Variants in KIAA0825 observed in about 807,000 individuals in gnomAD.
KIAA0825 encodes the protein KIAA0825, also known as uncharacterized protein KIAA0825.
Under a neutral mutation model 147.6 loss-of-function variants are expected in KIAA0825, and 119 were observed. The ratio of observed to expected loss-of-function variants is 0.81; its 90% CI spans 0.69 to 0.94. The LOEUF (loss-of-function observed/expected upper bound fraction) is 0.94. Among genes scored for constraint, KIAA0825 ranks in the 40% least tolerant of loss-of-function variants. The probability of loss-of-function intolerance (pLI) is 0.00; values close to 1 mark genes in which losing one functional copy is unlikely to be tolerated. For missense variants in KIAA0825, 1,381 were observed against 1,472.7 expected (o/e 0.94, Z 1.02); for synonymous variants, 470 against 518.1 (o/e 0.91, Z 1.26).
intron 15 of KIAA0825, among the ~76,000 whole-genome samples, chr5:94,405,575 C>G (rs894601284): frequency 3.3e-5 from 5 of 152,118 alleles, no homozygotes; most frequent in Admixed American, 3.3e-4. Flanking sequence ...GCATACTTTC[C>G]TGCTTTAGAA....
intron 14 of KIAA0825, among the ~76,000 whole-genome samples, chr5:94,424,818 AC>A (rs1754638136): frequency 6.6e-6 from 1 of 152,186 alleles, no homozygotes; most frequent in South Asian, 2.1e-4. Context: ...TACAACTGAG[AC>A]CACAGAAAGA....
intron 3 of KIAA0825, among the ~76,000 whole-genome samples, chr5:94,527,166 G>A (rs1037310506): frequency 3.9e-5 from 6 of 152,152 alleles, no homozygotes; most frequent in African/African-American, 1.4e-4. Flanking sequence ...ATGTATGGAT[G>A]TATGTGTGTA....
chr5:94,486,299 A>G (rs1763052009), intron 5 of KIAA0825, among the ~76,000 whole-genome samples: 1 of 152,082 alleles, frequency 6.6e-6, no homozygotes, highest in Non-Finnish European at 1.5e-5. Context: ...GGGTCTGACA[A>G]TTCCATGGGA....
chr5:94,162,523 C>A (rs1386255265), intron 20 of KIAA0825, among the ~76,000 whole-genome samples: 1 of 152,016 alleles, frequency 6.6e-6, no homozygotes, highest in Non-Finnish European at 1.5e-5. Flanking sequence ...CCCAGGCTGG[C>A]CTCAAGCAAT....
intron 1 of KIAA0825, among the ~76,000 whole-genome samples, chr5:94,603,155 A>G (rs1786821086): frequency 2.0e-5 from 3 of 151,966 alleles, no homozygotes. Flanking sequence ...CAGCATGAAA[A>G]TTGACTAATA....
At chr5:94,206,610 G>A (rs1040304482) in intron 20 of KIAA0825, among the ~76,000 whole-genome samples, 1 of 152,104 alleles carries the variant, frequency 6.6e-6, no homozygotes, top group Non-Finnish European at 1.5e-5. Flanking sequence ...TTCTTCAAAG[G>A]CTCTTCTAAT....
At chr5:94,428,545 C>G (rs1394372336) in intron 14 of KIAA0825, among the ~76,000 whole-genome samples, 1 of 152,080 alleles carries the variant, frequency 6.6e-6, no homozygotes, top group African/African-American at 2.4e-5. Flanking sequence ...GTTGGAATTT[C>G]TTTTCTTTAA....
chr5:94,411,086 A>G (rs1752705588), intron 15 of KIAA0825, among the ~76,000 whole-genome samples: 1 of 152,200 alleles, frequency 6.6e-6, no homozygotes, highest in African/African-American at 2.4e-5. Context: ...GGGAGGAAGT[A>G]AATGGAAATA....
At chr5:94,504,424 T>C (rs567323667) in intron 5 of KIAA0825, among the ~76,000 whole-genome samples, 9 of 152,312 alleles carry the variant, frequency 5.9e-5, no homozygotes, top group African/African-American at 2.2e-4. Flanking sequence ...CTTAAATGCT[T>C]GGAACTCCCT....
intron 20 of KIAA0825, among the ~76,000 whole-genome samples, chr5:94,193,876 AT>A (rs1305434088): frequency 6.6e-6 from 1 of 152,156 alleles, no homozygotes; most frequent in African/African-American, 2.4e-5. Flanking sequence ...TGTCTTAAAG[AT>A]TTAGTCTGCC....
At chr5:94,384,908 G>T (rs1375113655) in intron 19 of KIAA0825, among the ~76,000 whole-genome samples, 1 of 152,104 alleles carries the variant, frequency 6.6e-6, no homozygotes, top group Non-Finnish European at 1.5e-5. Flanking sequence ...AGCTTAATTA[G>T]AGTGTGATAT....
chr5:94,300,933 C>T (rs751594111), intron 20 of KIAA0825, among the ~76,000 whole-genome samples: 4 of 152,018 alleles, frequency 2.6e-5, no homozygotes, highest in African/African-American at 9.7e-5. Context: ...CTTGCTGACA[C>T]GGAGTGAGCT....
At chr5:94,472,941 C>T (rs970802088) in intron 8 of KIAA0825, among the ~76,000 whole-genome samples, 4 of 151,998 alleles carry the variant, frequency 2.6e-5, no homozygotes, top group Admixed American at 6.6e-5. Context: ...TTTTTAAGTG[C>T]CCAAAGCTAG....
chr5:94,301,703 T>C (rs1383748973), intron 20 of KIAA0825, among the ~76,000 whole-genome samples: 1 of 152,164 alleles, frequency 6.6e-6, no homozygotes, highest in Non-Finnish European at 1.5e-5. Context: ...GGCATGTGTG[T>C]GGGTGTTAAA....
intron 20 of KIAA0825, among the ~76,000 whole-genome samples, chr5:94,339,709 C>T (rs1431577071): frequency 1.3e-5 from 2 of 152,280 alleles, no homozygotes; most frequent in Admixed American, 6.5e-5. Flanking sequence ...TATACATCAA[C>T]TCAGTCAGTT....
Position 94,512,810 on chromosome 5 carries a change from C to T in KIAA0825, c.970+7438G>A, listed in dbSNP as rs188239202. 9.1e-4 allele frequency among the ~76,000 whole-genome samples: 138 copies of T among 152,098 alleles called. No homozygotes were observed. In the Middle Eastern group the frequency reaches 0.014, roughly 15 times the overall value. On this transcript the variant is annotated intron_variant, in intron 5 of 20. Coordinates refer to ENST00000682413, the MANE Select transcript of KIAA0825 (RefSeq NM_001145678.3). ...TACTGGGAGGCTGAGACAGGAGAAT[C>T]GCTTTTACCTGGGAGGCGAAGGTTG... is the stretch of plus-strand genomic sequence containing the variant.
intron 20 of KIAA0825, among the ~76,000 whole-genome samples, chr5:94,345,743 A>T (rs1782907455): frequency 6.6e-6 from 1 of 152,108 alleles, no homozygotes. Flanking sequence ...CTGCAGACAA[A>T]ACCCCTCAGA....
At chr5:94,377,030 A>C (rs1054063856) in intron 20 of KIAA0825, among the ~76,000 whole-genome samples, 7 of 152,226 alleles carry the variant, frequency 4.6e-5, no homozygotes, top group African/African-American at 1.7e-4. Context: ...CCCTCTACAC[A>C]CCACAGGGCA....
At chr5:94,347,430 C>T (rs111227930) in intron 20 of KIAA0825, among the ~76,000 whole-genome samples, 142 of 152,334 alleles carry the variant, frequency 9.3e-4, no homozygotes, top group African/African-American at 3.3e-3. Flanking sequence ...CCGGAACAGG[C>T]ACTGGTATCC....
Sources: allele counts gnomAD v4.1 joint callset (sites outside exome capture counted in the v4.1 genomes callset), GRCh38; gene constraint gnomAD v4.1.1; transcripts MANE v1.5; gene names NCBI Gene and HGNC (gene_info 2026-07-23, HGNC 2026-07-21).